SNTB2: variants seen among roughly 807,000 people sequenced by gnomAD.
The protein encoded by SNTB2 is syntrophin beta 2.
SNTB2 carries 34 observed loss-of-function variants against 46.2 expected under a neutral mutation model. The observed-to-expected ratio is 0.74, with a 90% CI of 0.56 to 0.98. SNTB2 has a LOEUF of 0.98. Among genes scored for constraint, SNTB2 ranks in the 50% least tolerant of loss-of-function variants. SNTB2 has a pLI of 0.00. For synonymous variants in SNTB2, 290 were observed against 312.6 expected, an observed-to-expected ratio of 0.93 and a Z score of 0.76; for missense variants, 603 against 731.4, an observed-to-expected ratio of 0.82 and a Z score of 2.02.
chr16:69,263,929 C>T (rs1488267835), intron 3 of SNTB2, among the ~76,000 whole-genome samples: 5 of 149,270 alleles, frequency 3.3e-5, no homozygotes, highest in East Asian at 2.0e-4. Context: ...GTTGCAGTGG[C>T]GCAATCTCGG....
At chr16:69,220,280 G>A (rs12923274) in intron 1 of SNTB2, among the ~76,000 whole-genome samples, 4 of 146,572 alleles carry the variant, frequency 2.7e-5, no homozygotes, top group Non-Finnish European at 4.5e-5. Flanking sequence ...TCCTGCCTCA[G>A]CCTCCCGAGT....
chr16:69,233,873 C>T (rs562637797), intron 1 of SNTB2, among the ~76,000 whole-genome samples: 3 of 152,056 alleles, frequency 2.0e-5, no homozygotes, highest in East Asian at 1.9e-4. Context: ...ATTACTCAAG[C>T]GGCTGAGGCA....
rs527569290 is a variant in SNTB2, at chr16:69,272,256, C to T, written c.1148+1971C>T. Among the ~76,000 whole-genome samples the T allele has an allele frequency of 2.6e-5, 4 of 152,138 alleles. No homozygotes were observed. In the South Asian group the frequency reaches 8.3e-4, roughly 32 times the overall value. ...CTTGTATCTAGAAATATAAAGAATTCTTGGCCAGGCATGGTGGCTTACATC... is the reference window on the plus strand; with the variant it reads ...CTTGTATCTAGAAATATAAAGAATTTTTGGCCAGGCATGGTGGCTTACATC... On this transcript the variant is annotated intron_variant, in intron 4 of 6. Coordinates refer to ENST00000336278, the MANE Select transcript of SNTB2 (RefSeq NM_006750.4).
chr16:69,305,479 T>C lies in SNTB2; in HGVS notation c.*4555T>C, dbSNP rs1226862345. On this transcript the variant is annotated 3_prime_UTR_variant, in exon 7 of 7. Transcript: ENST00000336278. ...TGATGCCATGAATGAAATGGCTGGT[T>C]AGAAAGCCAAAGGTCTTCTTTTTTC... 1 of 152,254 alleles carries C rather than the reference T, an allele frequency of 6.6e-6. No individual in the cohort carries two copies. The highest frequency in any genetic ancestry group is 1.5e-5 in the Non-Finnish European group (1 of 68,042). The allele number at this position is 152,254 out of a possible 1,614,324, so 9.4% of individuals were successfully genotyped here.
At chr16:69,224,278 C>T (rs1370177758) in intron 1 of SNTB2, among the ~76,000 whole-genome samples, 1 of 134,898 alleles carries the variant, frequency 7.4e-6, no homozygotes, top group East Asian at 2.2e-4. Flanking sequence ...GTGGTGCGAT[C>T]TTGGCTCACT....
intron 1 of SNTB2, among the ~76,000 whole-genome samples, chr16:69,217,932 C>T (rs1964364166): frequency 1.3e-5 from 2 of 152,112 alleles, no homozygotes; most frequent in Admixed American, 1.3e-4. Flanking sequence ...ACTGAGGTCT[C>T]CTGTAGCTCT....
intron 2 of SNTB2, among the ~76,000 whole-genome samples, chr16:69,255,284 C>T (rs564516312): frequency 1.3e-4 from 20 of 152,044 alleles, no homozygotes; most frequent in Admixed American, 3.3e-4. Context: ...ATTTGAGGGC[C>T]GTGCACAGTG....
At chr16:69,222,280 A>G (rs1244710857) in intron 1 of SNTB2, among the ~76,000 whole-genome samples, 2 of 152,184 alleles carry the variant, frequency 1.3e-5, no homozygotes, top group South Asian at 2.1e-4. Context: ...GCTTTTACAA[A>G]GCACAATCAA....
chr16:69,205,321 T>A (rs1964205093), intron 1 of SNTB2, among the ~76,000 whole-genome samples: 1 of 150,116 alleles, frequency 6.7e-6, no homozygotes, highest in Non-Finnish European at 1.5e-5. Context: ...GGCAAATTTT[T>A]TTTTTTTTTT....
intron 4 of SNTB2, 97 bp downstream of exon 4, chr16:69,270,382 G>T: frequency 6.9e-7 from 1 of 1,454,640 alleles, no homozygotes; most frequent in Non-Finnish European, 9.4e-7. Flanking sequence ...GTGCCTAAAA[G>T]AGCATTTAAG....
chr16:69,236,897 G>T (rs993363139), intron 1 of SNTB2, among the ~76,000 whole-genome samples: 1 of 152,112 alleles, frequency 6.6e-6, no homozygotes, highest in Non-Finnish European at 1.5e-5. Flanking sequence ...TTAACCACCT[G>T]GGCAACCTTT....
At chr16:69,242,365 G>C (rs529560919) in intron 1 of SNTB2, among the ~76,000 whole-genome samples, 2 of 152,314 alleles carry the variant, frequency 1.3e-5, no homozygotes, top group East Asian at 3.9e-4. Context: ...TGAGGTTACA[G>C]TGAGCTATGA....
rs951530911 is a variant in SNTB2, at chr16:69,307,647, C to T, written c.*6723C>T. The T allele has an allele frequency of 1.4e-4, 21 of 151,932 alleles. No homozygotes were observed. The highest frequency in any genetic ancestry group is 2.4e-4 in the African/African-American group (10 of 41,450). 9.4% of individuals were successfully genotyped at this position (151,932 alleles called of 1,614,324 possible). On this transcript the variant is annotated 3_prime_UTR_variant, in exon 7 of 7. Coordinates refer to ENST00000336278, the MANE Select transcript of SNTB2 (RefSeq NM_006750.4). ...TGAAAGTCCTTATATACATGGTAGA[C>T]GGAATATTTCTCCATTAATGATAGA... is the stretch of plus-strand genomic sequence containing the variant.
intron 1 of SNTB2, among the ~76,000 whole-genome samples, chr16:69,217,631 A>G (rs1231697704): frequency 6.6e-6 from 1 of 152,234 alleles, no homozygotes; most frequent in Non-Finnish European, 1.5e-5. Flanking sequence ...CTGCTGAGTA[A>G]TCTATACAAA....
chr16:69,208,644 T>G (rs929469683), intron 1 of SNTB2, among the ~76,000 whole-genome samples: 2 of 152,126 alleles, frequency 1.3e-5, no homozygotes, highest in African/African-American at 4.8e-5. Context: ...GAAAAGCTCT[T>G]TAAAACAGTG....
At chr16:69,208,056 C>G (rs1026038624) in intron 1 of SNTB2, among the ~76,000 whole-genome samples, 1 of 146,412 alleles carries the variant, frequency 6.8e-6, no homozygotes, top group African/African-American at 2.6e-5. Flanking sequence ...TTGCAGTAAG[C>G]TGAGATAGCA....
At chr16:69,285,276 G>A (rs1965091354) in intron 5 of SNTB2, among the ~76,000 whole-genome samples, 1 of 151,114 alleles carries the variant, frequency 6.6e-6, no homozygotes, top group African/African-American at 2.4e-5. Context: ...TACTAGCAAA[G>A]TTTTTTTAAG....
intron 5 of SNTB2, among the ~76,000 whole-genome samples, chr16:69,292,744 C>T (rs11649435): frequency 0.14 from 21,001 of 151,442 alleles, 1,668 homozygotes; most frequent in Middle Eastern, 0.24. Flanking sequence ...TGAGCCACCA[C>T]GCCCGGCCGA....
chr16:69,193,347 G>C (rs939191967), intron 1 of SNTB2, among the ~76,000 whole-genome samples: 1 of 6,484 alleles, frequency 1.5e-4, no homozygotes, highest in African/African-American at 5.4e-4. Flanking sequence ...TTTTTTTTTT[G>C]AGACAGTGTC....
Sources: gnomAD v4.1 joint callset for allele counts (sites outside exome capture counted in the v4.1 genomes callset) on GRCh38, gnomAD v4.1.1 for gene constraint, MANE v1.5 for transcripts, NCBI Gene and HGNC (gene_info 2026-07-23, HGNC 2026-07-21) for gene names.